CFAP47: variants seen among roughly 807,000 people sequenced by gnomAD.
CFAP47 encodes cilia and flagella associated protein 47.
In CFAP47, 29 loss-of-function variants were observed where a neutral mutation model predicts 148.1. The ratio of observed to expected loss-of-function variants is 0.20; its 90% CI spans 0.15 to 0.27. The LOEUF (loss-of-function observed/expected upper bound fraction) is 0.27. CFAP47 is among the 10% of genes least tolerant of loss of function. CFAP47 has a pLI of 1.00. For missense variants in CFAP47, 1,872 were observed against 1,697.5 expected (o/e 1.10, Z -1.81); for synonymous variants, 664 against 577.3 (o/e 1.15, Z -2.15).
chrX:36,312,265 G>A (rs1304966962), intron 56 of CFAP47, among the ~76,000 whole-genome samples: 2 of 110,483 alleles, frequency 1.8e-5, no homozygotes, highest in Admixed American at 1.9e-4. Flanking sequence ...TAAATTGGTA[G>A]GTAGTGGAAG....
At chrX:36,138,491 A>G in intron 35 of CFAP47, 27 bp downstream of exon 35, 11 of 1,119,017 alleles carry the variant, frequency 9.8e-6, no homozygotes, top group Non-Finnish European at 1.3e-5. Context: ...TAAACATTCT[A>G]CAAACATTTT....
At chrX:36,166,198 C>T (rs1939486969) in intron 39 of CFAP47, among the ~76,000 whole-genome samples, 1 of 110,726 alleles carries the variant, frequency 9.0e-6, no homozygotes, top group African/African-American at 3.3e-5. Context: ...CTTCTTTTTC[C>T]TCTCTCCTTT....
chrX:36,222,640 T>A (rs5929015), intron 45 of CFAP47, among the ~76,000 whole-genome samples: 32,371 of 109,403 alleles, frequency 0.3, 4,463 homozygotes, highest in East Asian at 0.71. Context: ...TAATACAAAT[T>A]TTTTACAAAA....
chrX:36,033,228 A>G (rs1006602430), intron 23 of CFAP47, among the ~76,000 whole-genome samples: 2 of 112,131 alleles, frequency 1.8e-5, no homozygotes, highest in African/African-American at 6.5e-5. Flanking sequence ...TTAGATAAAA[A>G]CTCAAATCAC....
At chrX:36,355,925 T>C (rs954207650) in intron 60 of CFAP47, among the ~76,000 whole-genome samples, 7 of 112,007 alleles carry the variant, frequency 6.2e-5, no homozygotes, top group Admixed American at 3.8e-4. Context: ...TTTAACATGT[T>C]CTTGCTACTT....
intron 33 of CFAP47, among the ~76,000 whole-genome samples, chrX:36,118,341 T>C (rs191645240): frequency 9.8e-5 from 11 of 111,992 alleles, no homozygotes; most frequent in African/African-American, 3.6e-4. Flanking sequence ...GGTATGGACA[T>C]TTAAAAGATA....
intron 62 of CFAP47, among the ~76,000 whole-genome samples, chrX:36,371,554 T>C (rs921864061): frequency 2.0e-5 from 2 of 102,529 alleles, no homozygotes; most frequent in Non-Finnish European, 4.0e-5. Context: ...TATGTGTATA[T>C]ATATGTGTAT....
Position 35,966,697 on chromosome X carries a change from G to C in CFAP47, c.1543G>C (p.Ala515Pro). 1 of 1,177,347 alleles carries C rather than the reference G, an allele frequency of 8.5e-7. No individual in the cohort carries two copies. The highest frequency in any genetic ancestry group is 1.1e-6 in the Non-Finnish European group (1 of 877,095). Residue 515 changes from alanine to proline, a missense_variant, in exon 9 of 64, where the codon GCT becomes CCT. By Grantham distance (27) the Ala-to-Pro change is conservative (BLOSUM62 -1). Transcript: ENST00000378653. The stretch of plus-strand genomic sequence containing the variant: ...AAAATCTTTCCATCACGTATATTTA[G>C]CTTTCAACAGCATCTGTAAAGCTTC... ...SVKSFHHVYL[A>P]FNSICKASTK...
intron 29 of CFAP47, among the ~76,000 whole-genome samples, chrX:36,083,871 T>C (rs1453732330): frequency 9.0e-6 from 1 of 111,402 alleles, no homozygotes. Context: ...TTTAATACTA[T>C]TATTTTTGTT....
chrX:36,071,812 G>A lies in CFAP47; in HGVS notation c.4319-13G>A. The A allele has an allele frequency of 8.3e-7, 1 of 1,199,084 alleles. No homozygotes were observed. Among genetic ancestry groups the A allele is most frequent in the Non-Finnish European group, 1.1e-6 (1 of 888,857 alleles). On this transcript the variant is annotated splice_polypyrimidine_tract_variant and intron_variant, in intron 27 of 63. Transcript: ENST00000378653. Reference sequence around the variant, plus strand: ...CATGTTTTGCTTACTGTGATCCAATGTGTCATTTGTAGATAAGGATGAATA... The same window carrying A: ...CATGTTTTGCTTACTGTGATCCAATATGTCATTTGTAGATAAGGATGAATA...
chrX:36,041,966 A>T (rs1477084902), intron 25 of CFAP47, among the ~76,000 whole-genome samples: 2 of 108,850 alleles, frequency 1.8e-5, no homozygotes. Flanking sequence ...ACGTGTATGT[A>T]AGATAGATCA....
intron 26 of CFAP47, among the ~76,000 whole-genome samples, chrX:36,049,488 T>TCTCACA (rs751788515): frequency 1.4e-4 from 13 of 92,271 alleles, no homozygotes; most frequent in Admixed American, 3.9e-4. Flanking sequence ...TTTCTCTCTC[T>TCTCACA]CACACACACA....
chrX:36,004,807 A>G (rs925394165), intron 21 of CFAP47, among the ~76,000 whole-genome samples: 11 of 110,726 alleles, frequency 9.9e-5, no homozygotes. Flanking sequence ...TACGGTGATG[A>G]TTGCACAATT....
intron 42 of CFAP47, among the ~76,000 whole-genome samples, chrX:36,194,645 C>T (rs781977186): frequency 9.0e-6 from 1 of 111,369 alleles, no homozygotes; most frequent in Non-Finnish European, 1.9e-5. Flanking sequence ...GAGAAACAAG[C>T]ATGTCTTCAC....
chrX:36,207,117 G>A (rs185522705), intron 45 of CFAP47, among the ~76,000 whole-genome samples: 269 of 111,644 alleles, frequency 2.4e-3, no homozygotes, highest in Non-Finnish European at 2.2e-3. Flanking sequence ...GTTCAGAGGT[G>A]GACTTGAATA....
intron 60 of CFAP47, among the ~76,000 whole-genome samples, chrX:36,355,730 A>G (rs782280427): frequency 9.0e-6 from 1 of 111,574 alleles, no homozygotes; most frequent in Non-Finnish European, 1.9e-5. Flanking sequence ...GGAGTTGAAC[A>G]TTGGGTATAA....
At chrX:36,237,119 T>C (rs1173513797) in intron 48 of CFAP47, among the ~76,000 whole-genome samples, 2 of 111,710 alleles carry the variant, frequency 1.8e-5, no homozygotes, top group African/African-American at 6.5e-5. Flanking sequence ...ATTTGAGTCA[T>C]GTGCTTTTCA....
intron 32 of CFAP47, among the ~76,000 whole-genome samples, chrX:36,101,329 G>A (rs1448083582): frequency 1.8e-5 from 2 of 112,018 alleles, no homozygotes; most frequent in African/African-American, 3.2e-5. Context: ...CACCAACAGC[G>A]AAGCCAAGAG....
intron 2 of CFAP47, among the ~76,000 whole-genome samples, chrX:35,936,589 G>T (rs1935915985): frequency 9.1e-6 from 1 of 109,605 alleles, no homozygotes; most frequent in African/African-American, 3.3e-5. Flanking sequence ...ATTTTTGATT[G>T]AATGCTAAAT....
Sources: gnomAD v4.1 joint callset for allele counts (sites outside exome capture counted in the v4.1 genomes callset) on GRCh38, gnomAD v4.1.1 for gene constraint, MANE v1.5 for transcripts, NCBI Gene and HGNC (gene_info 2026-07-23, HGNC 2026-07-21) for gene names.